WDR37: variants seen among roughly 807,000 people sequenced by gnomAD.
The protein encoded by WDR37 is WD repeat domain 37, also known as WD repeat-containing protein 37.
Under a neutral mutation model 62.9 loss-of-function variants are expected in WDR37, and 19 were observed. The observed-to-expected ratio is 0.30, with a 90% CI of 0.21 to 0.44. WDR37 has a LOEUF of 0.44. WDR37 is among the 20% of genes least tolerant of loss of function. WDR37 has a pLI of 1.00. For missense variants in WDR37, 474 were observed against 657.6 expected (o/e 0.72, Z 3.05); for synonymous variants, 250 against 260.9 (o/e 0.96, Z 0.40).
chr10:1,116,966 C>T (rs532457156), intron 11 of WDR37, among the ~76,000 whole-genome samples: 5 of 152,118 alleles, frequency 3.3e-5, no homozygotes, highest in East Asian at 3.9e-4. Context: ...GCAGAGCTGC[C>T]GTTCCATCCT....
At chr10:1,082,962 T>C (rs1564501181) in intron 5 of WDR37, among the ~76,000 whole-genome samples, 1 of 152,214 alleles carries the variant, frequency 6.6e-6, no homozygotes, top group African/African-American at 2.4e-5. Context: ...TACTGTTACT[T>C]ATGTTAGAAA....
chr10:1,119,399 T>C (rs1835502576), intron 11 of WDR37, among the ~76,000 whole-genome samples: 2 of 152,228 alleles, frequency 1.3e-5, no homozygotes, highest in Admixed American at 6.5e-5. Context: ...ATCTCATCTT[T>C]AGAATCTTAT....
At chr10:1,065,696 C>T (rs1833516742) in intron 1 of WDR37, among the ~76,000 whole-genome samples, 1 of 152,106 alleles carries the variant, frequency 6.6e-6, no homozygotes. Flanking sequence ...TGATAAACAG[C>T]ACCTACAAAA....
intron 3 of WDR37, among the ~76,000 whole-genome samples, chr10:1,079,301 T>G (rs1445771615): frequency 5.3e-5 from 8 of 151,974 alleles, no homozygotes; most frequent in African/African-American, 1.5e-4. Context: ...GCCAGGCTGG[T>G]CTTGAACCCC....
chr10:1,127,111 A>C (rs893657339), intron 13 of WDR37, among the ~76,000 whole-genome samples: 1 of 152,258 alleles, frequency 6.6e-6, no homozygotes, highest in Non-Finnish European at 1.5e-5. Context: ...TCTGTGCAGC[A>C]TGTAAAGTTT....
chr10:1,091,300 G>A (rs369436160), intron 7 of WDR37, among the ~76,000 whole-genome samples: 1 of 152,186 alleles, frequency 6.6e-6, no homozygotes, highest in East Asian at 1.9e-4. Flanking sequence ...ATCGAAATTG[G>A]AAGCATTAAT....
intron 8 of WDR37, among the ~76,000 whole-genome samples, chr10:1,094,733 G>T (rs1160905618): frequency 1.3e-5 from 2 of 152,136 alleles, no homozygotes; most frequent in Non-Finnish European, 2.9e-5. Flanking sequence ...GAAACATGAG[G>T]TAATGGACAT....
At chr10:1,060,846 A>T (rs1589070110) in intron 1 of WDR37, among the ~76,000 whole-genome samples, 1 of 151,442 alleles carries the variant, frequency 6.6e-6, no homozygotes, top group East Asian at 1.9e-4. Flanking sequence ...ACACAAATAG[A>T]TACCATTGTG....
At chr10:1,077,846 C>T (rs1023406354) in intron 2 of WDR37, 61 bp from the exon 3 acceptor site, 1 of 1,240,108 alleles carries the variant, frequency 8.1e-7, no homozygotes, top group South Asian at 1.4e-5. Context: ...TTGGAAAAAG[C>T]ATATTTGTAC....
At chr10:1,096,998 C>T (rs527674900) in intron 9 of WDR37, among the ~76,000 whole-genome samples, 5 of 152,246 alleles carry the variant, frequency 3.3e-5, no homozygotes, top group South Asian at 4.1e-4. Flanking sequence ...GGACAGGTCA[C>T]GGGGAACCGG....
At chr10:1,096,447 A>C in intron 9 of WDR37, 1 of 603,916 alleles carries the variant, frequency 1.7e-6, no homozygotes, top group Non-Finnish European at 3.0e-6. Flanking sequence ...TGAGGTCCTC[A>C]TAAGAGGAGA....
chr10:1,125,086 T>C (rs1426469146), intron 13 of WDR37, 62 bp downstream of exon 13: 1 of 1,572,688 alleles, frequency 6.4e-7, no homozygotes, highest in Non-Finnish European at 8.6e-7. Flanking sequence ...AGAGATATTT[T>C]ACATTCTCAT....
chr10:1,103,856 C>T lies in WDR37; in HGVS notation c.961+20C>T, dbSNP rs754037256. The T allele has an allele frequency of 1.1e-5, 18 of 1,611,254 alleles. No individual in the cohort carries two copies. Among genetic ancestry groups the T allele is most frequent in the Non-Finnish European group, 1.5e-5 (18 of 1,177,974 alleles). ...TGACAGGTGCCTGGGTTCTCTGAGT[C>T]CGCCGCCTCCTGGCTGTGCATGTTA... On this transcript the variant is annotated intron_variant, in intron 10 of 13. Transcript: ENST00000263150. The surrounding 1 kb of genome is among the most constrained non-coding windows in gnomAD (Gnocchi z 6.3).
chr10:1,124,142 G>T (rs1835668976), intron 11 of WDR37, 76 bp from the exon 12 acceptor site: 1 of 1,591,714 alleles, frequency 6.3e-7, no homozygotes, highest in South Asian at 1.1e-5. Flanking sequence ...CACCCACTTG[G>T]TCAGGGTTGT....
In WDR37 at chr10:1,128,338, C is replaced by T. The variant is rs1295334556; in HGVS notation, c.1354-875C>T. 3.3e-5 allele frequency among the ~76,000 whole-genome samples: 5 copies of T among 152,230 alleles called. No individual in the cohort carries two copies. The East Asian group carries it at 9.6e-4, about 29-fold the overall frequency. On this transcript the variant is annotated intron_variant, in intron 13 of 13. Coordinates refer to ENST00000263150, the MANE Select transcript of WDR37 (RefSeq NM_014023.4). ...CAGATGGGTGCTAAGGCACTGCTTA[C>T]AGATATTCTAAGTGTTGGCTAAGAG...
chr10:1,073,173 T>C (rs899010518), intron 2 of WDR37, among the ~76,000 whole-genome samples: 1 of 152,224 alleles, frequency 6.6e-6, no homozygotes, highest in Non-Finnish European at 1.5e-5. Context: ...AGTATATTTA[T>C]ATTAAAATAA....
At chr10:1,067,010 C>T (rs891249464) in intron 1 of WDR37, among the ~76,000 whole-genome samples, 1 of 152,318 alleles carries the variant, frequency 6.6e-6, no homozygotes, top group South Asian at 2.1e-4. Flanking sequence ...CACTGGGTCC[C>T]TCCCACAACA....
intron 2 of WDR37, chr10:1,074,408 C>T (rs1349047605): frequency 7.7e-7 from 1 of 1,303,078 alleles, no homozygotes; most frequent in African/African-American, 1.5e-5. Flanking sequence ...CGGCCTCGTC[C>T]TCTGCTCCAC....
In WDR37 at chr10:1,080,538, T is replaced by C. The variant is rs1833996135; in HGVS notation, c.396+62T>C. 3 of 1,545,928 alleles carry C rather than the reference T, an allele frequency of 1.9e-6. No homozygotes were observed. The Admixed American group carries it at 5.5e-5, about 28-fold the overall frequency. On this transcript the variant is annotated intron_variant, in intron 5 of 13. Coordinates refer to ENST00000263150, the MANE Select transcript of WDR37 (RefSeq NM_014023.4). ...GGTTAAGGTGTGCAGATGTGTACTT[T>C]AAGTTGTTTATTTTCCAATTAGAAA...
Sources: gnomAD v4.1 joint callset for allele counts (sites outside exome capture counted in the v4.1 genomes callset) on GRCh38, gnomAD v4.1.1 for gene constraint, Gnocchi (gnomAD v3.1) non-coding constraint, MANE v1.5 for transcripts, NCBI Gene and HGNC (gene_info 2026-07-23, HGNC 2026-07-21) for gene names.